Variants in ADAMTSL1 observed in about 807,000 individuals in gnomAD.
ADAMTSL1 encodes ADAMTS-like protein 1.
A neutral mutation model predicts 201.8 loss-of-function variants in ADAMTSL1; 126 were observed. The ratio of observed to expected loss-of-function variants is 0.62; its 90% CI spans 0.54 to 0.72. ADAMTSL1 has a LOEUF of 0.72. Ranked by LOEUF, ADAMTSL1 falls within the 30% of genes least tolerant of loss-of-function variation. The probability of loss-of-function intolerance (pLI) is 0.00; values close to 1 mark genes in which losing one functional copy is unlikely to be tolerated. For missense variants in ADAMTSL1, 2,679 were observed against 2,277.8 expected, an observed-to-expected ratio of 1.18 and a Z score of -3.59; for synonymous variants, 1,121 against 903.4, an observed-to-expected ratio of 1.24 and a Z score of -4.32.
chr9:18,213,779 G>A (rs1201231033), intron 2 of ADAMTSL1, among the ~76,000 whole-genome samples: 1 of 152,020 alleles, frequency 6.6e-6, no homozygotes, highest in Non-Finnish European at 1.5e-5. Flanking sequence ...TCGCTCTGTC[G>A]CCCAGGCTGG....
intron 1 of ADAMTSL1, among the ~76,000 whole-genome samples, chr9:18,016,993 A>G (rs574220106): frequency 6.6e-6 from 1 of 152,122 alleles, no homozygotes; most frequent in African/African-American, 2.4e-5. Flanking sequence ...ATGTACCCTT[A>G]TTACATCCTC....
intron 1 of ADAMTSL1, among the ~76,000 whole-genome samples, chr9:18,476,542 T>C (rs77760687): frequency 1.6e-4 from 24 of 152,320 alleles, no homozygotes; most frequent in African/African-American, 5.5e-4. Context: ...TTAAATTTAA[T>C]TATTGGCTTA....
At chr9:18,666,950 CTTTT>C (rs35220169) in intron 9 of ADAMTSL1, among the ~76,000 whole-genome samples, 7 of 128,932 alleles carry the variant, frequency 5.4e-5, no homozygotes, top group Admixed American at 7.9e-5. Context: ...TGCAGATTTT[CTTTT>C]TTTTTTTTTT....
intron 13 of ADAMTSL1, among the ~76,000 whole-genome samples, chr9:18,703,701 C>CATACATATATATATATATATATATAT (rs1295764808): frequency 1.1e-4 from 9 of 78,816 alleles, no homozygotes; most frequent in African/African-American, 4.2e-4. Flanking sequence ...TGCGCACATA[C>CATACATATATATATATATATATATAT]ATATATATAT....
At chr9:18,574,329 T>C in intron 4 of ADAMTSL1, 63 bp downstream of exon 4, 1 of 1,371,136 alleles carries the variant, frequency 7.3e-7, no homozygotes, top group African/African-American at 1.4e-5. Context: ...GTGTAAATGG[T>C]TTACATAGTC....
At position 18,715,095 on chromosome 9, in the gene ADAMTSL1, A is replaced by G. The variant is rs1832842916; in HGVS notation, c.1877-6441A>G. ...TATTGATTGGACGTATTTCAAAATA[A>G]TAAGAGCTATCTATGACAAACCCAC... On this transcript the variant is annotated intron_variant, in intron 14 of 28. Coordinates refer to ENST00000380548, the MANE Select transcript of ADAMTSL1 (RefSeq NM_001040272.6). 2.5e-5 allele frequency among the ~76,000 whole-genome samples: 3 copies of G among 119,858 alleles called. No individual in the cohort carries two copies. The South Asian group carries it at 9.3e-4, about 37-fold the overall frequency. 78.6% of individuals were successfully genotyped at this position (119,858 alleles called of 152,430 possible). A position where few individuals can be genotyped will look rare whatever the true frequency, so the allele number is the denominator to read the frequency against.
At chr9:18,692,143 A>G (rs1831263524) in intron 13 of ADAMTSL1, among the ~76,000 whole-genome samples, 1 of 152,166 alleles carries the variant, frequency 6.6e-6, no homozygotes, top group Admixed American at 6.5e-5. Context: ...ACTTATAAGC[A>G]CCATACTTTT....
intron 2 of ADAMTSL1, among the ~76,000 whole-genome samples, chr9:18,467,253 C>T (rs994219251): frequency 2.6e-5 from 4 of 152,026 alleles, no homozygotes; most frequent in Admixed American, 2.6e-4. Flanking sequence ...GAACAGAAAA[C>T]TGAACTATTA....
At chr9:18,064,911 A>G (rs1003669894) in intron 1 of ADAMTSL1, among the ~76,000 whole-genome samples, 4 of 147,792 alleles carry the variant, frequency 2.7e-5, no homozygotes, top group African/African-American at 7.5e-5. Flanking sequence ...ACTATATCAC[A>G]CTGGTATTCA....
chr9:18,066,140 A>G, intron 1 of ADAMTSL1, among the ~76,000 whole-genome samples: 1 of 152,170 alleles, frequency 6.6e-6, no homozygotes, highest in East Asian at 1.9e-4. Flanking sequence ...TCTTTCAAAT[A>G]ATCTTGCATA....
chr9:18,545,173 C>A (rs547544323), intron 3 of ADAMTSL1, among the ~76,000 whole-genome samples: 1 of 152,256 alleles, frequency 6.6e-6, no homozygotes, highest in East Asian at 1.9e-4. Flanking sequence ...AGGCATGGTA[C>A]CTTATGACCT....
In ADAMTSL1 at chr9:17,946,336, T is replaced by C. The variant is rs1255316255; in HGVS notation, c.87+39414T>C. 3.9e-5 allele frequency among the ~76,000 whole-genome samples: 6 copies of C among 152,150 alleles called. No individual in the cohort carries two copies. In the East Asian group the frequency reaches 7.7e-4, roughly 20 times the overall value. ...TTTGAAAGAAAACATATTTCGTCAA[T>C]TGGTACTCAGGTATCTAAGTCCAAG... is the stretch of plus-strand genomic sequence containing the variant. On this transcript the variant is annotated intron_variant, in intron 1 of 29. Transcript: ENST00000680146.
intron 1 of ADAMTSL1, among the ~76,000 whole-genome samples, chr9:17,946,638 A>AT (rs1292445428): frequency 2.6e-5 from 4 of 151,996 alleles, no homozygotes; most frequent in African/African-American, 9.7e-5. Context: ...CCATAAAAAG[A>AT]TTTTTCCCAC....
chr9:18,002,292 A>G lies in ADAMTSL1; in HGVS notation c.87+95370A>G, dbSNP rs375262441. 1.4e-4 allele frequency among the ~76,000 whole-genome samples: 21 copies of G among 152,116 alleles called. No individual in the cohort carries two copies. In the East Asian group the frequency reaches 2.5e-3, roughly 18 times the overall value. The stretch of plus-strand genomic sequence containing the variant: ...TTCACAGAAATAGAAGACTAAAAAT[A>G]CCTTGGAATTAAATAAAAACCAAAC... On this transcript the variant is annotated intron_variant, in intron 1 of 29. Coordinates refer to the ADAMTSL1 transcript ENST00000680146.
intron 2 of ADAMTSL1, among the ~76,000 whole-genome samples, chr9:18,196,311 A>G (rs201965810): frequency 6.6e-6 from 1 of 151,322 alleles, no homozygotes; most frequent in Non-Finnish European, 1.5e-5. Flanking sequence ...GCATACGTGT[A>G]TGTGTGTGTG....
At chr9:18,637,329 C>A (rs1827167424) in intron 6 of ADAMTSL1, among the ~76,000 whole-genome samples, 1 of 152,076 alleles carries the variant, frequency 6.6e-6, no homozygotes, top group African/African-American at 2.4e-5. Flanking sequence ...ACTAACTCTC[C>A]ACTCAACTAA....
intron 1 of ADAMTSL1, among the ~76,000 whole-genome samples, chr9:18,493,969 C>G (rs1418276295): frequency 2.0e-5 from 3 of 152,182 alleles, no homozygotes; most frequent in Non-Finnish European, 4.4e-5. Context: ...AGCACACAGT[C>G]CACTTCTGGG....
chr9:18,718,290 A>C, intron 14 of ADAMTSL1: 1 of 750,228 alleles, frequency 1.3e-6, no homozygotes, highest in Non-Finnish European at 2.5e-6. Context: ...GGAATAAACT[A>C]ATGCAAAGCC....
chr9:17,938,855 C>T (rs1247334724), intron 1 of ADAMTSL1, among the ~76,000 whole-genome samples: 1 of 152,100 alleles, frequency 6.6e-6, no homozygotes, highest in African/African-American at 2.4e-5. Flanking sequence ...ATGGCTTTCC[C>T]CTGATACTTC....
Sources: gnomAD v4.1 joint callset for allele counts (sites outside exome capture counted in the v4.1 genomes callset) on GRCh38, gnomAD v4.1.1 for gene constraint, MANE v1.5 for transcripts, NCBI Gene and HGNC (gene_info 2026-07-23, HGNC 2026-07-21) for gene names.